CCDC141: variants seen among roughly 807,000 people sequenced by gnomAD.
The protein encoded by CCDC141 is coiled-coil domain containing 141.
In CCDC141, 168 loss-of-function variants were observed where a neutral mutation model predicts 181.0. The ratio of observed to expected loss-of-function variants is 0.93; its 90% CI spans 0.82 to 1.05. The LOEUF (loss-of-function observed/expected upper bound fraction) is 1.05, where lower values mean the gene tolerates loss of function less well. Among genes scored for constraint, CCDC141 ranks in the 50% least tolerant of loss-of-function variants. The probability of loss-of-function intolerance (pLI) is 0.00; values close to 1 mark genes in which losing one functional copy is unlikely to be tolerated. For missense variants in CCDC141, 1,902 were observed against 1,788.5 expected (o/e 1.06, Z -1.14); for synonymous variants, 666 against 642.3 (o/e 1.04, Z -0.56).
intron 2 of CCDC141, among the ~76,000 whole-genome samples, chr2:178,980,420 A>C (rs1691322762): frequency 6.6e-6 from 1 of 152,206 alleles, no homozygotes. Flanking sequence ...ACTGCACTCC[A>C]GCCTGGGCAA....
chr2:178,886,944 G>C (rs1157744969), intron 9 of CCDC141, 73 bp from the exon 10 acceptor site: 2 of 858,278 alleles, frequency 2.3e-6, no homozygotes, highest in Non-Finnish European at 3.2e-6. Context: ...GTGTCAGGAA[G>C]ATAAATATTA....
At chr2:178,955,009 G>T (rs1218825968) in intron 5 of CCDC141, among the ~76,000 whole-genome samples, 1 of 152,122 alleles carries the variant, frequency 6.6e-6, no homozygotes, top group Non-Finnish European at 1.5e-5. Flanking sequence ...TTCAGGCCAG[G>T]CACGGTGGCT....
intron 2 of CCDC141, among the ~76,000 whole-genome samples, chr2:179,006,720 A>T (rs2042133127): frequency 6.6e-6 from 1 of 152,178 alleles, no homozygotes; most frequent in Admixed American, 6.5e-5. Context: ...GAAATACAAG[A>T]ATAAAACCAT....
At chr2:178,931,237 A>G (rs1055036248) in intron 6 of CCDC141, among the ~76,000 whole-genome samples, 2 of 152,182 alleles carry the variant, frequency 1.3e-5, no homozygotes, top group Admixed American at 1.3e-4. Context: ...TATAAAACAG[A>G]GCAGCTGCTA....
intron 2 of CCDC141, among the ~76,000 whole-genome samples, chr2:178,980,480 T>C (rs1691327140): frequency 6.6e-6 from 1 of 152,044 alleles, no homozygotes; most frequent in Non-Finnish European, 1.5e-5. Context: ...AAGCAAAAAC[T>C]GTCCTAATTT....
At chr2:178,827,227 C>T (rs749494923), downstream of CCDC141, among the ~76,000 whole-genome samples, 6 of 151,894 alleles carry the variant, frequency 4.0e-5, no homozygotes, top group Non-Finnish European at 7.4e-5. Context: ...TGTATAATTA[C>T]TATTCTTTTA....
At chr2:179,043,811 G>A (rs1363482102) in intron 2 of CCDC141, among the ~76,000 whole-genome samples, 1 of 152,122 alleles carries the variant, frequency 6.6e-6, no homozygotes, top group Admixed American at 6.5e-5. Flanking sequence ...TTGTGGCCAG[G>A]GCAATCAGGC....
At chr2:178,997,993 A>T (rs1692363832) in intron 2 of CCDC141, among the ~76,000 whole-genome samples, 1 of 152,138 alleles carries the variant, frequency 6.6e-6, no homozygotes, top group Non-Finnish European at 1.5e-5. Flanking sequence ...ATCATCAAAA[A>T]CCATAAGGTA....
chr2:178,859,986 G>A (rs1173374442), intron 17 of CCDC141, among the ~76,000 whole-genome samples: 2 of 152,060 alleles, frequency 1.3e-5, no homozygotes, highest in African/African-American at 4.8e-5. Flanking sequence ...GAGGGACATG[G>A]GATATTTAAA....
At chr2:179,035,430 T>C (rs2043117067) in intron 2 of CCDC141, among the ~76,000 whole-genome samples, 1 of 152,160 alleles carries the variant, frequency 6.6e-6, no homozygotes, top group East Asian at 1.9e-4. Context: ...TCTGTTCCAG[T>C]TGTGGCTGTG....
At chr2:179,042,033 G>A (rs2043322803) in intron 2 of CCDC141, among the ~76,000 whole-genome samples, 1 of 152,142 alleles carries the variant, frequency 6.6e-6, no homozygotes, top group Non-Finnish European at 1.5e-5. Context: ...ATTCGGCTCA[G>A]ATCCAGAGCT....
At chr2:178,963,300 G>T (rs2154379156) in intron 4 of CCDC141, among the ~76,000 whole-genome samples, 1 of 152,246 alleles carries the variant, frequency 6.6e-6, no homozygotes, top group Middle Eastern at 3.4e-3. Context: ...TGAGAAGAAA[G>T]TGAGCTGAGA....
At chr2:179,019,733 G>A (rs1285552753) in intron 2 of CCDC141, among the ~76,000 whole-genome samples, 2 of 151,914 alleles carry the variant, frequency 1.3e-5, no homozygotes, top group African/African-American at 4.8e-5. Context: ...TGCGGTGATG[G>A]TAAGATCATT....
chr2:178,944,305 T>C (rs983301094), intron 6 of CCDC141, among the ~76,000 whole-genome samples: 4 of 152,210 alleles, frequency 2.6e-5, no homozygotes, highest in Non-Finnish European at 5.9e-5. Context: ...TAGTAACTAT[T>C]CAGAAAAATA....
At position 178,831,844 on chromosome 2, in the gene CCDC141, C is replaced by G. The variant is rs1684259567; in HGVS notation, c.*2329G>C. 2.0e-5 allele frequency: 3 copies of G among 152,266 alleles called. No homozygotes were observed. Among genetic ancestry groups the G allele is most frequent in the African/African-American group, 7.2e-5 (3 of 41,438 alleles). The allele number at this position is 152,266 out of a possible 1,614,324, so 9.4% of individuals were successfully genotyped here. ...AATATCAGCATAGTACTCTTCTGAT[C>G]TTTGTGCTCCCCCACCCCCACCTTT... On this transcript the variant is annotated 3_prime_UTR_variant, in exon 24 of 24. Transcript: ENST00000443758.
chr2:178,856,538 C>G, intron 17 of CCDC141, 141 bp from the exon 18 acceptor site: 1 of 406,584 alleles, frequency 2.5e-6, no homozygotes, highest in Non-Finnish European at 3.9e-6. Flanking sequence ...CCCTCCCTCC[C>G]TCTCTCTTTC....
intron 6 of CCDC141, among the ~76,000 whole-genome samples, chr2:178,923,294 C>T (rs1688783030): frequency 6.6e-6 from 1 of 151,486 alleles, no homozygotes; most frequent in African/African-American, 2.4e-5. Flanking sequence ...TTAGTAGAGA[C>T]GGGGTTTCAC....
chr2:179,020,424 A>G (rs972264844), intron 2 of CCDC141, among the ~76,000 whole-genome samples: 14 of 152,238 alleles, frequency 9.2e-5, no homozygotes, highest in African/African-American at 3.4e-4. Flanking sequence ...CTAGAAATAT[A>G]CACCTGATCC....
intron 20 of CCDC141, among the ~76,000 whole-genome samples, chr2:178,851,347 C>A (rs547421191): frequency 6.6e-6 from 1 of 152,152 alleles, no homozygotes; most frequent in Non-Finnish European, 1.5e-5. Context: ...TATGTCCCCC[C>A]ATCCTGCCAA....
Sources: gnomAD v4.1 joint callset for allele counts (sites outside exome capture counted in the v4.1 genomes callset) on GRCh38, gnomAD v4.1.1 for gene constraint, MANE v1.5 for transcripts, NCBI Gene and HGNC (gene_info 2026-07-23, HGNC 2026-07-21) for gene names.